IPO8: variants seen among roughly 807,000 people sequenced by gnomAD.
IPO8 encodes the protein importin-8.
In IPO8, 65 loss-of-function variants were observed where a neutral mutation model predicts 141.2. That is an observed-to-expected ratio of 0.46 (90% CI 0.38 to 0.57). The LOEUF (loss-of-function observed/expected upper bound fraction) is 0.57. Ranked by LOEUF, IPO8 falls within the 20% of genes least tolerant of loss-of-function variation. IPO8 has a pLI of 0.00. For synonymous variants in IPO8, 411 were observed against 420.3 expected (o/e 0.98, Z 0.27); for missense variants, 980 against 1,246.8 (o/e 0.79, Z 3.22).
chr12:30,694,719 A>T (rs2136180063), intron 1 of IPO8, among the ~76,000 whole-genome samples: 1 of 152,294 alleles, frequency 6.6e-6, no homozygotes, highest in African/African-American at 2.4e-5. Context: ...TTTACATTTT[A>T]CAAGTCATCA....
chr12:30,646,222 GTAATACATCTCTA>G (rs1163014605), intron 20 of IPO8, among the ~76,000 whole-genome samples: 1 of 152,198 alleles, frequency 6.6e-6, no homozygotes, highest in Non-Finnish European at 1.5e-5. Flanking sequence ...ATCAATTAAT[GTAATACATCTCTA>G]TTCTAAAAGG....
intron 2 of IPO8, 145 bp downstream of exon 2, chr12:30,690,351 G>A (rs1022003564): frequency 5.2e-6 from 3 of 574,872 alleles, no homozygotes; most frequent in Non-Finnish European, 9.1e-6. Context: ...GAAAAAGAAA[G>A]TGAGTTTTGA....
chr12:30,678,118 C>T (rs1337721942), intron 5 of IPO8, among the ~76,000 whole-genome samples: 3 of 141,438 alleles, frequency 2.1e-5, no homozygotes, highest in African/African-American at 7.7e-5. Context: ...GAGGGAGACT[C>T]CATCTCAAAA....
intron 19 of IPO8, among the ~76,000 whole-genome samples, chr12:30,651,075 T>A (rs926035279): frequency 6.6e-6 from 1 of 152,100 alleles, no homozygotes; most frequent in Admixed American, 6.6e-5. Flanking sequence ...ATTGTGAACA[T>A]CAATTTTACT....
Position 30,645,991 on chromosome 12 carries a change from C to T in IPO8, c.2268+3146G>A, listed in dbSNP as rs74237117. Among the ~76,000 whole-genome samples the T allele has an allele frequency of 9.2e-5, 14 of 152,152 alleles. No individual in the cohort carries two copies. The East Asian group carries it at 2.1e-3, about 23-fold the overall frequency. On this transcript the variant is annotated intron_variant, in intron 20 of 24. Coordinates refer to ENST00000256079, the MANE Select transcript of IPO8 (RefSeq NM_006390.4). ...TCTTTGAACAAAGAGAAAGGATGAACGCTTCCCAACTCATTCAATGAGTCC... is the reference window on the plus strand; with the variant it reads ...TCTTTGAACAAAGAGAAAGGATGAATGCTTCCCAACTCATTCAATGAGTCC...
At position 30,630,707 on chromosome 12, in the gene IPO8, A is replaced by G; in HGVS notation, c.*153T>C. On this transcript the variant is annotated 3_prime_UTR_variant, in exon 25 of 25. Coordinates refer to ENST00000256079, the MANE Select transcript of IPO8 (RefSeq NM_006390.4). ...TTCAGGGTGACAAAGGTCAAAGGGGAAAGAGTAGATAAAAGTGCTGCCTAA... is the reference window on the plus strand; with the variant it reads ...TTCAGGGTGACAAAGGTCAAAGGGGGAAGAGTAGATAAAAGTGCTGCCTAA... 1.6e-6 allele frequency: 1 copy of G among 610,412 alleles called. No individual in the cohort carries two copies. The highest frequency in any genetic ancestry group is 2.9e-6 in the Non-Finnish European group (1 of 342,578). The allele number at this position is 610,412 out of a possible 1,614,324, so 37.8% of individuals were successfully genotyped here. A position where few individuals can be genotyped will look rare whatever the true frequency, so the allele number is the denominator to read the frequency against.
At chr12:30,665,633 T>TA (rs2052952135) in intron 12 of IPO8, 96 bp downstream of exon 12, 2 of 739,900 alleles carry the variant, frequency 2.7e-6, no homozygotes, top group South Asian at 3.5e-5. Flanking sequence ...TATCCAGAGG[T>TA]AGTCACCAGC....
intron 24 of IPO8, 36 bp downstream of exon 24, chr12:30,631,859 C>A (rs1413722429): frequency 7.1e-7 from 1 of 1,413,672 alleles, no homozygotes; most frequent in East Asian, 2.3e-5. Context: ...GGCACTCTGA[C>A]ACATGCACTC....
chr12:30,685,500 T>TTG (rs112645384), intron 2 of IPO8, among the ~76,000 whole-genome samples: 14,568 of 148,566 alleles, frequency 0.098, 768 homozygotes, highest in Middle Eastern at 0.18. Context: ...ACTTATAATG[T>TTG]TGTGTGTGTG....
intron 20 of IPO8, among the ~76,000 whole-genome samples, chr12:30,646,404 G>T (rs1433047416): frequency 1.3e-5 from 2 of 152,184 alleles, no homozygotes; most frequent in Non-Finnish European, 2.9e-5. Context: ...ACTTAATGGT[G>T]AAAGACTGAA....
intron 10 of IPO8, 67 bp downstream of exon 10, chr12:30,669,116 A>C (rs1013802454): frequency 3.0e-6 from 2 of 660,130 alleles, no homozygotes; most frequent in African/African-American, 3.7e-5. Flanking sequence ...TTTGCTTAAA[A>C]ATATAAATTT....
At chr12:30,653,491 T>G (rs145132024) in intron 17 of IPO8, among the ~76,000 whole-genome samples, 1 of 152,052 alleles carries the variant, frequency 6.6e-6, no homozygotes, top group African/African-American at 2.4e-5. Flanking sequence ...GAGAGCTTAA[T>G]TATATCAGAC....
intron 10 of IPO8, 52 bp downstream of exon 10, chr12:30,669,131 A>G (rs374676928): frequency 2.7e-6 from 2 of 749,468 alleles, no homozygotes; most frequent in East Asian, 2.6e-5. Context: ...AAATTTAGTT[A>G]TATTACTTTA....
chr12:30,677,410 C>T (rs908050961), intron 5 of IPO8, among the ~76,000 whole-genome samples: 1 of 152,110 alleles, frequency 6.6e-6, no homozygotes, highest in Non-Finnish European at 1.5e-5. Flanking sequence ...TTATACAGTA[C>T]GTAACTGGTA....
At chr12:30,644,653 G>GTT (rs1169009653) in intron 20 of IPO8, among the ~76,000 whole-genome samples, 13 of 128,146 alleles carry the variant, frequency 1.0e-4, no homozygotes, top group Non-Finnish European at 1.6e-4. Context: ...TTTTTTTTTT[G>GTT]TTTTTTTTTT....
At chr12:30,676,472 T>C in intron 6 of IPO8, 26 bp downstream of exon 6, 1 of 1,552,594 alleles carries the variant, frequency 6.4e-7, no homozygotes, top group South Asian at 1.1e-5. Context: ...TTTCCCCTAT[T>C]TTTCTTGGGA....
At chr12:30,694,930 G>A (rs187252099) in intron 1 of IPO8, 38 of 454,560 alleles carry the variant, frequency 8.4e-5, no homozygotes, top group Admixed American at 8.0e-4. Context: ...AAAGAAAGAA[G>A]TCTTACACAT....
chr12:30,640,830 G>C (rs1430087565), intron 20 of IPO8, among the ~76,000 whole-genome samples: 1 of 152,116 alleles, frequency 6.6e-6, no homozygotes, highest in Non-Finnish European at 1.5e-5. Context: ...GTAATACATA[G>C]TTTCAAATAG....
chr12:30,691,997 T>C (rs2053295109), intron 1 of IPO8, among the ~76,000 whole-genome samples: 1 of 152,218 alleles, frequency 6.6e-6, no homozygotes, highest in Admixed American at 6.5e-5. Flanking sequence ...AAGCAGTTTT[T>C]AAGAAAACAG....
Sources: allele counts gnomAD v4.1 joint callset (sites outside exome capture counted in the v4.1 genomes callset), GRCh38; gene constraint gnomAD v4.1.1; transcripts MANE v1.5; gene names NCBI Gene and HGNC (gene_info 2026-07-23, HGNC 2026-07-21).